Variants in BNC2 observed in about 807,000 individuals in gnomAD.
BNC2 encodes basonuclin zinc finger protein 2.
A neutral mutation model predicts 76.3 loss-of-function variants in BNC2; 20 were observed. The ratio of observed to expected loss-of-function variants is 0.26; its 90% confidence interval spans 0.18 to 0.38. The LOEUF is 0.38. Ranked by LOEUF, BNC2 falls within the 10% of genes least tolerant of loss-of-function variation. BNC2 has a pLI of 1.00. For missense variants in BNC2, 1,382 were observed against 1,399.8 expected (o/e 0.99, Z 0.20); for synonymous variants, 582 against 514.8 (o/e 1.13, Z -1.77).
intron 3 of BNC2, among the ~76,000 whole-genome samples, chr9:16,696,031 A>T (rs757302413): frequency 6.6e-6 from 1 of 152,116 alleles, no homozygotes; most frequent in Non-Finnish European, 1.5e-5. Flanking sequence ...TAGCCTGTCC[A>T]TTCTGCCCTT....
chr9:16,692,505 T>C (rs1437991729), intron 3 of BNC2, among the ~76,000 whole-genome samples: 1 of 152,158 alleles, frequency 6.6e-6, no homozygotes, highest in Non-Finnish European at 1.5e-5. Context: ...AGATGACACA[T>C]GTAAAGCACC....
At chr9:16,750,761 A>C (rs72708101) in intron 1 of BNC2, among the ~76,000 whole-genome samples, 2,663 of 152,370 alleles carry the variant, frequency 0.017, 40 homozygotes, top group Middle Eastern at 0.054. Context: ...CAAGGCTTGA[A>C]AGCAAATTCA....
chr9:16,761,221 C>T (rs1015987522), intron 1 of BNC2, among the ~76,000 whole-genome samples: 1 of 152,088 alleles, frequency 6.6e-6, no homozygotes, highest in African/African-American at 2.4e-5. Flanking sequence ...GCACTCCAGC[C>T]TGGCAGACAG....
chr9:16,541,241 T>C (rs1818311398), intron 5 of BNC2, among the ~76,000 whole-genome samples: 1 of 152,194 alleles, frequency 6.6e-6, no homozygotes, highest in Non-Finnish European at 1.5e-5. Context: ...GAGGCACTCA[T>C]ATTTTAAAGC....
intron 3 of BNC2, among the ~76,000 whole-genome samples, chr9:16,673,145 A>G (rs917682517): frequency 7.9e-5 from 12 of 152,180 alleles, no homozygotes; most frequent in African/African-American, 2.7e-4. Flanking sequence ...CATGTATTAG[A>G]CATAGACTTA....
intron 1 of BNC2, among the ~76,000 whole-genome samples, chr9:16,751,698 A>ATATATGTATGTGTGTGTG (rs1271866084): frequency 0.35 from 48,235 of 139,778 alleles, 10,858 homozygotes; most frequent in East Asian, 0.89. Flanking sequence ...GTGTGTATAT[A>ATATATGTATGTGTGTGTG]TATATATATG....
At chr9:16,421,561 T>A (rs1290788996) in intron 6 of BNC2, among the ~76,000 whole-genome samples, 1 of 152,172 alleles carries the variant, frequency 6.6e-6, no homozygotes, top group Non-Finnish European at 1.5e-5. Flanking sequence ...AGCATCATCA[T>A]CCACAAATGA....
At position 16,861,000 on chromosome 9, in the gene BNC2, C is replaced by T. The variant is rs1586943526; in HGVS notation, c.3+9646G>A. ...GGTGGAGGTTGCAGTGAGCTGAGAT[C>T]ACGCCACTGCCTGAGCGCCAGAGCA... On this transcript the variant is annotated intron_variant, in intron 1 of 6. Coordinates refer to ENST00000380672, the MANE Select transcript of BNC2 (RefSeq NM_017637.6). Among the ~76,000 whole-genome samples, 4 of 150,666 alleles carry T rather than the reference C, an allele frequency of 2.7e-5. No homozygotes were observed. In the South Asian group the frequency reaches 8.4e-4, roughly 32 times the overall value.
Position 16,409,639 on chromosome 9 carries a change from G to A in BNC2, c.*9350C>T, listed in dbSNP as rs1473923899. 6.6e-6 allele frequency: 1 copy of A among 152,574 alleles called. No individual in the cohort carries two copies. The highest frequency in any genetic ancestry group is 1.5e-5 in the Non-Finnish European group (1 of 68,040). 9.5% of individuals were successfully genotyped at this position (152,574 alleles called of 1,614,324 possible). On this transcript the variant is annotated 3_prime_UTR_variant, in exon 7 of 7. Coordinates refer to ENST00000380672, the MANE Select transcript of BNC2 (RefSeq NM_017637.6). ...ATGCATTTTATGCAAAAGACATACT[G>A]TAGGCAGTTATAGTACAGAAAATAC...
chr9:16,560,103 A>G (rs571868332), intron 4 of BNC2, among the ~76,000 whole-genome samples: 1 of 152,216 alleles, frequency 6.6e-6, no homozygotes, highest in African/African-American at 2.4e-5. Context: ...CTGTTGAAAC[A>G]GACTGCTGGG....
At chr9:16,516,655 CTTT>C (rs1016226547) in intron 5 of BNC2, among the ~76,000 whole-genome samples, 1 of 151,468 alleles carries the variant, frequency 6.6e-6, no homozygotes, top group Non-Finnish European at 1.5e-5. Flanking sequence ...ATGTGTGCTT[CTTT>C]TTTTTTCTTT....
At position 16,728,013 on chromosome 9, in the gene BNC2, G is replaced by A; in HGVS notation, c.130-16C>T. 6.2e-7 allele frequency: 1 copy of A among 1,610,676 alleles called. No individual in the cohort carries two copies. Among genetic ancestry groups the A allele is most frequent in the East Asian group, 2.2e-5 (1 of 44,734 alleles). ...CCTCTTCTGACTGAAAAGTGAAGGT[G>A]GATTTTTTGAGCCTCTTGGCAGCCA... On this transcript the variant is annotated splice_polypyrimidine_tract_variant and intron_variant, in intron 2 of 6. Coordinates refer to ENST00000380672, the MANE Select transcript of BNC2 (RefSeq NM_017637.6).
chr9:16,866,511 T>C (rs760897322), intron 1 of BNC2, among the ~76,000 whole-genome samples: 4 of 152,016 alleles, frequency 2.6e-5, no homozygotes, highest in Non-Finnish European at 5.9e-5. Flanking sequence ...TGACAAAAAC[T>C]ACAAACAGTA....
intron 3 of BNC2, among the ~76,000 whole-genome samples, chr9:16,616,274 C>T (rs1344608701): frequency 6.6e-6 from 1 of 152,026 alleles, no homozygotes; most frequent in African/African-American, 2.4e-5. Context: ...TACCTATAGT[C>T]CCAGCTCCTT....
At chr9:16,743,625 T>G (rs1824914329) in intron 1 of BNC2, among the ~76,000 whole-genome samples, 1 of 152,174 alleles carries the variant, frequency 6.6e-6, no homozygotes, top group Non-Finnish European at 1.5e-5. Context: ...CTGATGCCAA[T>G]GCAAACCACT....
At chr9:16,834,172 A>G (rs1172163975) in intron 1 of BNC2, among the ~76,000 whole-genome samples, 1 of 145,046 alleles carries the variant, frequency 6.9e-6, no homozygotes, top group East Asian at 2.1e-4. Context: ...AAGCTCAAAA[A>G]AACTTTGACC....
intron 1 of BNC2, among the ~76,000 whole-genome samples, chr9:16,784,560 C>G (rs1484676200): frequency 6.6e-6 from 1 of 152,050 alleles, no homozygotes; most frequent in Non-Finnish European, 1.5e-5. Context: ...AGCCTACACT[C>G]AAGGAGGGAT....
At chr9:16,660,767 A>T (rs1822089049) in intron 3 of BNC2, among the ~76,000 whole-genome samples, 1 of 152,174 alleles carries the variant, frequency 6.6e-6, no homozygotes, top group Non-Finnish European at 1.5e-5. Flanking sequence ...ATAACAACAC[A>T]ACAATAAAAA....
chr9:16,457,674 A>C (rs1821484315), intron 5 of BNC2, among the ~76,000 whole-genome samples: 1 of 152,180 alleles, frequency 6.6e-6, no homozygotes, highest in African/African-American at 2.4e-5. Flanking sequence ...AAAATTCCAG[A>C]TTCCCAGAAG....
Sources: allele counts gnomAD v4.1 joint callset (sites outside exome capture counted in the v4.1 genomes callset), GRCh38; gene constraint gnomAD v4.1.1; transcripts MANE v1.5; gene names NCBI Gene and HGNC (gene_info 2026-07-23, HGNC 2026-07-21).